The following TBC1D17 variants were observed in gnomAD, a reference collection of about 807,000 sequenced individuals.
TBC1D17 encodes TBC1 domain family, member 17.
TBC1D17 carries 69 observed loss-of-function variants against 78.8 expected under a neutral mutation model. The ratio of observed to expected loss-of-function variants is 0.88; its 90% CI spans 0.72 to 1.07. The LOEUF (loss-of-function observed/expected upper bound fraction) is 1.07, where lower values mean the gene tolerates loss of function less well. TBC1D17 is among the 50% of genes least tolerant of loss of function. The probability of loss-of-function intolerance (pLI) is 0.00; values close to 1 mark genes in which losing one functional copy is unlikely to be tolerated. For missense variants in TBC1D17, 957 were observed against 861.0 expected (o/e 1.11, Z -1.39); for synonymous variants, 456 against 358.3 (o/e 1.27, Z -3.08).
rs2075040663 is a variant in TBC1D17, at chr19:49,884,315, C to T, written c.1189C>T (p.Leu397=). Residue 397 remains leucine (L), a synonymous_variant, in exon 11 of 17, where the codon CTG becomes TTG. Coordinates refer to ENST00000221543, the MANE Select transcript of TBC1D17 (RefSeq NM_024682.3). ...KFYEGPENPG[L]GLLNDILLTY... is the part of the protein sequence containing the mutation. ...CTACGAGGGTCCCGAGAACCCGGGGCTGGGCCTGCTGAACGATATCCTCCT... is the reference window on the plus strand; with the variant it reads ...CTACGAGGGTCCCGAGAACCCGGGGTTGGGCCTGCTGAACGATATCCTCCT... The T allele has an allele frequency of 1.9e-6, 3 of 1,614,066 alleles. No individual in the cohort carries two copies. The African/African-American group carries it at 4.0e-5, about 22-fold the overall frequency.
At position 49,884,691 on chromosome 19, in the gene TBC1D17, G is replaced by C. The variant is rs199533550; in HGVS notation, c.1377G>C (p.Met459Ile). ...ACTTTGAAGAGAGCCAGGAGACCAT[G>C]AAGCGGCAACTCGGGCGACTGCTGC... ...QGNFEESQET[M>I]KRQLGRLLLL... The change falls in exon 13 of 17, where the codon ATG becomes ATC. Residue 459 changes from methionine to isoleucine, a missense_variant. Coordinates refer to ENST00000221543, the MANE Select transcript of TBC1D17 (RefSeq NM_024682.3). The C allele has an allele frequency of 2.5e-6, 4 of 1,614,024 alleles. No individual in the cohort carries two copies. Among genetic ancestry groups the C allele is most frequent in the Non-Finnish European group, 3.4e-6 (4 of 1,180,044 alleles).
In TBC1D17 at chr19:49,888,260, C is replaced by T. The variant is rs748899671; in HGVS notation, c.1689C>T (p.Ser563=). 10 of 1,592,888 alleles carry T rather than the reference C, an allele frequency of 6.3e-6. No homozygotes were observed. Among genetic ancestry groups the T allele is most frequent in the Non-Finnish European group, 8.5e-6 (10 of 1,170,468 alleles). Residue 563 remains serine, a synonymous_variant, in exon 16 of 17, where the codon AGC becomes AGT. Coordinates refer to ENST00000221543, the MANE Select transcript of TBC1D17 (RefSeq NM_024682.3). ...KHINELTMKL[S]VEDVLTRAEA... The stretch of plus-strand genomic sequence containing the variant: ...TCAACGAGCTGACTATGAAGCTGAG[C>T]GTGGAGGACGTGCTGACCCGCGCCG...
rs1453264648 is a variant in TBC1D17 at position 49,878,493 on chromosome 19, C to A, written c.121-5C>A. 1 of 1,613,584 alleles carries A rather than the reference C, an allele frequency of 6.2e-7. No individual in the cohort carries two copies. The highest frequency in any genetic ancestry group is 8.5e-7 in the Non-Finnish European group (1 of 1,179,588). ...CCTCTAACCCCGCCTCCCTCCTTAC[C>A]CTAGGACAATGACGTCCTCCTGCAC... On this transcript the variant is annotated splice_region_variant and splice_polypyrimidine_tract_variant and intron_variant, in intron 2 of 16. Coordinates refer to ENST00000221543, the MANE Select transcript of TBC1D17 (RefSeq NM_024682.3).
chr19:49,882,744 C>A lies in TBC1D17; in HGVS notation c.799-20C>A. 1 of 1,539,348 alleles carries A rather than the reference C, an allele frequency of 6.5e-7. No individual in the cohort carries two copies. The highest frequency in any genetic ancestry group is 8.7e-7 in the Non-Finnish European group (1 of 1,143,024). On this transcript the variant is annotated intron_variant, in intron 7 of 16. Coordinates refer to ENST00000221543, the MANE Select transcript of TBC1D17 (RefSeq NM_024682.3). ...CCACCACCCCGCCGAGCCCCAGGCT[C>A]ATTTGCTCTTTGCCTGCAGGTGGAG...
At chr19:49,887,911 A>G in intron 15 of TBC1D17, 77 bp downstream of exon 15, 1 of 1,246,914 alleles carries the variant, frequency 8.0e-7, no homozygotes, top group Non-Finnish European at 1.1e-6. Flanking sequence ...TCCGGGGAGC[A>G]GGTGTTTAGT....
At position 49,888,581 on chromosome 19, in the gene TBC1D17, T is replaced by G. The variant is rs2075087443; in HGVS notation, c.1904T>G (p.Leu635Arg). 1 of 1,397,752 alleles carries G rather than the reference T, an allele frequency of 7.2e-7. No individual in the cohort carries two copies. The highest frequency in any genetic ancestry group is 2.3e-5 in the Admixed American group (1 of 44,164). 86.6% of individuals were successfully genotyped at this position (1,397,752 alleles called of 1,614,324 possible). ...TDTAPQPDSS[L>R]EILPEEEDEG... ...ACAGCCCCGCAGCCCGACAGCAGCC[T>G]GGAGATCCTGCCCGAGGAGGAGGAC... The change falls in exon 17 of 17, where the codon CTG (leucine) becomes CGG (arginine). Residue 635 changes from leucine to arginine, a missense_variant. Leu to Arg is a moderately radical substitution (Grantham distance 102). Coordinates refer to ENST00000221543, the MANE Select transcript of TBC1D17 (RefSeq NM_024682.3).
chr19:49,884,401 G>A (rs762376967), intron 11 of TBC1D17, 32 bp downstream of exon 11: 87 of 1,613,414 alleles, frequency 5.4e-5, no homozygotes, highest in South Asian at 8.8e-5. Context: ...GGGCGTGGCC[G>A]GGGCTGTCCA....
At chr19:49,886,775 A>G (rs1488412995) in intron 13 of TBC1D17, 4 of 152,434 alleles carry the variant, frequency 2.6e-5, no homozygotes, top group African/African-American at 7.2e-5. Flanking sequence ...TTGGGGGGAA[A>G]AAAAGGTTCA....
chr19:49,880,252 T>A, intron 3 of TBC1D17, 27 bp from the exon 4 acceptor site: 2 of 1,613,098 alleles, frequency 1.2e-6, no homozygotes, highest in Non-Finnish European at 1.7e-6. Flanking sequence ...CATGGCCCCT[T>A]ACTGTCTGCT....
intron 3 of TBC1D17, 77 bp downstream of exon 3, chr19:49,878,649 T>C (rs2074982333): frequency 1.4e-6 from 2 of 1,410,694 alleles, no homozygotes; most frequent in Non-Finnish European, 2.0e-6. Context: ...TTGAGGGACC[T>C]GCGTACAATC....
rs2075046352 is a variant in TBC1D17 at position 49,884,823 on chromosome 19, G to T, written c.1444+65G>T. Reference sequence around the variant, plus strand: ...ATAGACCTTGCCAGATTCTCTGGTAGCAGCCACAGTGGCATCCTGGACATT... The same window carrying T: ...ATAGACCTTGCCAGATTCTCTGGTATCAGCCACAGTGGCATCCTGGACATT... On this transcript the variant is annotated intron_variant, in intron 13 of 16. Transcript: ENST00000221543. 2.1e-6 allele frequency: 3 copies of T among 1,428,230 alleles called. No homozygotes were observed. The East Asian group carries it at 7.0e-5, about 33-fold the overall frequency. 88.5% of individuals were successfully genotyped at this position (1,428,230 alleles called of 1,614,324 possible).
chr19:49,878,698 C>G, intron 3 of TBC1D17, 126 bp downstream of exon 3: 1 of 827,134 alleles, frequency 1.2e-6, no homozygotes, highest in Non-Finnish European at 2.0e-6. Flanking sequence ...CCTGTTTAGG[C>G]TTGGGTACTC....
At chr19:49,878,793 G>T in intron 3 of TBC1D17, 1 of 549,856 alleles carries the variant, frequency 1.8e-6, no homozygotes. Context: ...ACGCACGGTC[G>T]TGGGGACGGC....
rs757192790 is a variant in TBC1D17 at position 49,884,763 on chromosome 19, GTC to G, written c.1444+10_1444+11del. 1.2e-6 allele frequency: 2 copies of G among 1,613,490 alleles called. No individual in the cohort carries two copies. The highest frequency in any genetic ancestry group is 4.5e-5 in the East Asian group (2 of 44,880). ...CCCTGCTCTGCGACTTCCTGGGTAT[GTC>G]TCTCGGGAGGGTGGGCAGGAGACAA... On this transcript the variant is annotated splice_donor_region_variant and intron_variant, in intron 13 of 16. Coordinates refer to ENST00000221543, the MANE Select transcript of TBC1D17 (RefSeq NM_024682.3).
intron 4 of TBC1D17, among the ~76,000 whole-genome samples, 159 bp downstream of exon 4, chr19:49,880,561 G>A (rs1309816360): frequency 6.6e-6 from 1 of 152,240 alleles, no homozygotes; most frequent in Non-Finnish European, 1.5e-5. Context: ...TGGGAAGACA[G>A]GACTGTCCCA....
chr19:49,883,541 G>A (rs2075033994), intron 9 of TBC1D17, 110 bp from the exon 10 acceptor site: 2 of 834,766 alleles, frequency 2.4e-6, no homozygotes, highest in South Asian at 3.0e-5. Context: ...GGGTCTGTGT[G>A]GTCAGGGAGG....
At position 49,882,100 on chromosome 19, in the gene TBC1D17, A is replaced by G. The variant is rs578178317; in HGVS notation, c.587A>G (p.Asn196Ser). The stretch of plus-strand genomic sequence containing the variant: ...CCCCACGACTCCTCTGCTCTCTCCA[A>G]CTCCTTCCACCACCTGCAGCTCTTT... The part of the protein sequence containing the change: ...VFPHDSSALS[N>S]SFHHLQLFDQ... Residue 196 changes from asparagine to serine, a missense_variant, in exon 6 of 17, where the codon AAC (asparagine) becomes AGC (serine). Transcript: ENST00000221543. The G allele has an allele frequency of 3.3e-5, 53 of 1,612,778 alleles. No homozygotes were observed. In the Admixed American group the frequency reaches 3.7e-4, roughly 11 times the overall value.
chr19:49,887,376 A>G (rs2075067094), intron 13 of TBC1D17, 100 bp from the exon 14 acceptor site: 1 of 1,253,770 alleles, frequency 8.0e-7, no homozygotes, highest in African/African-American at 1.5e-5. Context: ...GGCATAAGTC[A>G]CTTGCCTAGA....
chr19:49,888,259 G>T lies in TBC1D17; in HGVS notation c.1688G>T (p.Ser563Ile). The change falls in exon 16 of 17, where the codon AGC becomes ATC. Residue 563 changes from serine to isoleucine, a missense_variant. Physicochemically the swap from Ser to Ile is moderately radical, Grantham distance 142. Transcript: ENST00000221543. ...KHINELTMKL[S>I]VEDVLTRAEA... ...ATCAACGAGCTGACTATGAAGCTGAGCGTGGAGGACGTGCTGACCCGCGCC... is the reference window on the plus strand; with the variant it reads ...ATCAACGAGCTGACTATGAAGCTGATCGTGGAGGACGTGCTGACCCGCGCC... The T allele has an allele frequency of 6.3e-7, 1 of 1,593,342 alleles. No homozygotes were observed. The highest frequency in any genetic ancestry group is 8.5e-7 in the Non-Finnish European group (1 of 1,170,696).
Sources: gnomAD v4.1 joint callset for allele counts (sites outside exome capture counted in the v4.1 genomes callset) on GRCh38, gnomAD v4.1.1 for gene constraint, MANE v1.5 for transcripts, NCBI Gene and HGNC (gene_info 2026-07-23, HGNC 2026-07-21) for gene names.